Variants in HCRTR2 observed in about 807,000 individuals in gnomAD.
HCRTR2 encodes hypocretin receptor 2.
In HCRTR2, 22 loss-of-function variants were observed where a neutral mutation model predicts 49.0. The observed-to-expected ratio is 0.45, with a 90% CI of 0.32 to 0.64. HCRTR2 has a LOEUF of 0.64. HCRTR2 is among the 30% of genes least tolerant of loss of function. The probability of loss-of-function intolerance (pLI) is 0.04; values close to 1 mark genes in which losing one functional copy is unlikely to be tolerated. For synonymous variants in HCRTR2, 236 were observed against 205.3 expected, an observed-to-expected ratio of 1.15 and a Z score of -1.28; for missense variants, 491 against 559.4, an observed-to-expected ratio of 0.88 and a Z score of 1.23.
chr6:55,127,617 A>G (rs542429902), intron 1 of HCRTR2, among the ~76,000 whole-genome samples: 39 of 152,074 alleles, frequency 2.6e-4, no homozygotes, highest in African/African-American at 9.4e-4. Flanking sequence ...TGTTGTTTTG[A>G]TTCCTTCCTT....
chr6:55,174,682 C>A lies in HCRTR2; in HGVS notation c.95C>A (p.Thr32Asn). The A allele has an allele frequency of 3.1e-6, 5 of 1,614,114 alleles. No homozygotes were observed. The highest frequency in any genetic ancestry group is 4.2e-6 in the Non-Finnish European group (5 of 1,180,002). Residue 32 changes from threonine to asparagine, a missense_variant, in exon 1 of 7, where the codon ACC (threonine) becomes AAC (asparagine). Transcript: ENST00000370862. ...ACTCAAGAGCCCTTTTTAAACCCCACCGACTATGACGACGAGGAATTCCTG... is the reference window on the plus strand; with the variant it reads ...ACTCAAGAGCCCTTTTTAAACCCCAACGACTATGACGACGAGGAATTCCTG... ...NETQEPFLNP[T>N]DYDDEEFLRY...
intron 1 of HCRTR2, among the ~76,000 whole-genome samples, chr6:55,163,714 T>C (rs1211050650): frequency 2.0e-5 from 3 of 152,178 alleles, no homozygotes; most frequent in African/African-American, 7.2e-5. Flanking sequence ...GCCATAGGCA[T>C]GGGCAAACAC....
Position 55,282,392 on chromosome 6 carries a change from G to T in HCRTR2, c.1273G>T (p.Val425Leu), listed in dbSNP as rs1180097512. ...DNISKLSEQV[V>L]LTSISTLPAA... ...CATATCAAAACTTTCTGAGCAAGTTGTGCTCACTAGCATAAGCACACTCCC... is the reference window on the plus strand; with the variant it reads ...CATATCAAAACTTTCTGAGCAAGTTTTGCTCACTAGCATAAGCACACTCCC... The change falls in exon 7 of 7, where the codon GTG (valine) becomes TTG (leucine). Residue 425 changes from valine (V) to leucine (L), a missense_variant. Val to Leu is a conservative substitution (Grantham distance 32, BLOSUM62 1). Transcript: ENST00000370862. The T allele has an allele frequency of 6.2e-7, 1 of 1,613,078 alleles. No individual in the cohort carries two copies. Among genetic ancestry groups the T allele is most frequent in the East Asian group, 2.2e-5 (1 of 44,812 alleles).
At chr6:55,238,789 G>C (rs1265849236) in intron 1 of HCRTR2, among the ~76,000 whole-genome samples, 1 of 152,116 alleles carries the variant, frequency 6.6e-6, no homozygotes, top group Non-Finnish European at 1.5e-5. Context: ...GAAAGATAAT[G>C]AAAGAACAAA....
intron 1 of HCRTR2, among the ~76,000 whole-genome samples, chr6:55,198,796 TG>T (rs771522093): frequency 6.6e-6 from 1 of 152,178 alleles, no homozygotes; most frequent in Non-Finnish European, 1.5e-5. Flanking sequence ...AATTCAGTAC[TG>T]AGTTTCACAA....
At chr6:55,163,259 A>C (rs7751462) in intron 1 of HCRTR2, among the ~76,000 whole-genome samples, 113,229 of 141,922 alleles carry the variant, frequency 0.8, 43,391 homozygotes, top group Middle Eastern at 0.87. Context: ...AACAAACAAC[A>C]AAAAAAAAAA....
intron 1 of HCRTR2, among the ~76,000 whole-genome samples, chr6:55,125,519 G>A (rs551063235): frequency 4.7e-4 from 71 of 152,252 alleles, no homozygotes; most frequent in Non-Finnish European, 9.3e-4. Context: ...TGGGTAACCC[G>A]ACCTTTCTCT....
At position 55,255,173 on chromosome 6, in the gene HCRTR2, G is replaced by T. The variant is rs768935950; in HGVS notation, c.440G>T (p.Cys147Phe). The T allele has an allele frequency of 2.7e-5, 43 of 1,613,924 alleles. 1 individual carries two copies. In the South Asian group the frequency reaches 4.6e-4, roughly 17 times the overall value. The part of the protein sequence containing the change: ...SVSVSVLTLS[C>F]IALDRWYAIC... ...TCTGTGTCTGTCCTCACACTGAGCT[G>T]TATCGCCTTGGATCGGTGGTATGCA... The change falls in exon 3 of 7, where the codon TGT becomes TTT. Residue 147 changes from cysteine to phenylalanine, a missense_variant. Cys to Phe is a radical substitution (Grantham distance 205, BLOSUM62 -2). Transcript: ENST00000370862.
At chr6:55,266,503 AGCAAT>A (rs1387004105) in intron 4 of HCRTR2, among the ~76,000 whole-genome samples, 1 of 152,190 alleles carries the variant, frequency 6.6e-6, no homozygotes, top group Non-Finnish European at 1.5e-5. Flanking sequence ...AAGGGGAAAA[AGCAAT>A]TAATGAGCAT....
chr6:55,184,868 A>G (rs982908405), intron 1 of HCRTR2, among the ~76,000 whole-genome samples: 3 of 152,168 alleles, frequency 2.0e-5, no homozygotes, highest in Non-Finnish European at 2.9e-5. Context: ...TTGTCACTAC[A>G]TTGCTAGAAA....
intron 1 of HCRTR2, among the ~76,000 whole-genome samples, chr6:55,140,464 C>T (rs1764491584): frequency 6.6e-6 from 1 of 152,140 alleles, no homozygotes; most frequent in Admixed American, 6.6e-5. Context: ...CAACCAAAAC[C>T]TTTCTTTTCA....
At chr6:55,111,346 C>CA (rs1313212784) in intron 1 of HCRTR2, among the ~76,000 whole-genome samples, 2 of 136,960 alleles carry the variant, frequency 1.5e-5, no homozygotes, top group African/African-American at 5.0e-5. Flanking sequence ...GAAATTGAAA[C>CA]AAAAAACATA....
chr6:55,249,916 T>C (rs527823437), intron 2 of HCRTR2, among the ~76,000 whole-genome samples: 306 of 152,140 alleles, frequency 2.0e-3, no homozygotes, highest in Middle Eastern at 3.4e-3. Flanking sequence ...AGATGGTGCC[T>C]ATAATATTTT....
chr6:55,133,157 A>C (rs1275332170), intron 1 of HCRTR2, among the ~76,000 whole-genome samples: 1 of 151,900 alleles, frequency 6.6e-6, no homozygotes, highest in South Asian at 2.1e-4. Context: ...ACCACCAATA[A>C]GTAAAATGGT....
chr6:55,191,833 A>T (rs1765320880), intron 1 of HCRTR2, among the ~76,000 whole-genome samples: 1 of 152,102 alleles, frequency 6.6e-6, no homozygotes, highest in Admixed American at 6.6e-5. Context: ...AAAACATAAG[A>T]CTTTAGCAAG....
Position 55,255,386 on chromosome 6 carries a change from A to T in HCRTR2, c.646+7A>T, listed in dbSNP as rs1267943730. 1 of 1,613,722 alleles carries T rather than the reference A, an allele frequency of 6.2e-7. No individual in the cohort carries two copies. ...TGTGATGAGCGCTGGGGTGGTAAGT[A>T]CCTTATGGCCCATCAACTGACATTT... On this transcript the variant is annotated splice_region_variant and intron_variant, in intron 3 of 6. Coordinates refer to ENST00000370862, the MANE Select transcript of HCRTR2 (RefSeq NM_001384272.1).
chr6:55,210,296 G>A (rs1765674192), intron 1 of HCRTR2, among the ~76,000 whole-genome samples: 1 of 151,960 alleles, frequency 6.6e-6, no homozygotes, highest in South Asian at 2.1e-4. Flanking sequence ...TGTTAGTGTT[G>A]GAATAGACTT....
At chr6:55,236,859 TTAGA>T (rs1766223933) in intron 1 of HCRTR2, among the ~76,000 whole-genome samples, 1 of 152,176 alleles carries the variant, frequency 6.6e-6, no homozygotes, top group Non-Finnish European at 1.5e-5. Flanking sequence ...TGAAAAATTC[TTAGA>T]TAATGTATTT....
intron 1 of HCRTR2, among the ~76,000 whole-genome samples, chr6:55,164,541 A>G (rs1456832927): frequency 1.3e-5 from 2 of 152,084 alleles, no homozygotes; most frequent in Non-Finnish European, 2.9e-5. Flanking sequence ...ACCAAACACC[A>G]CATATTCTCA....
Sources: gnomAD v4.1 joint callset for allele counts (sites outside exome capture counted in the v4.1 genomes callset) on GRCh38, gnomAD v4.1.1 for gene constraint, MANE v1.5 for transcripts, NCBI Gene and HGNC (gene_info 2026-07-23, HGNC 2026-07-21) for gene names.